LHFPL3: variants seen among roughly 807,000 people sequenced by gnomAD.
LHFPL3 encodes LHFPL tetraspan subfamily member 3, also known as LHFPL tetraspan subfamily member 3 protein.
LHFPL3 carries 5 observed loss-of-function variants against 19.3 expected under a neutral mutation model. The ratio of observed to expected loss-of-function variants is 0.26; its 90% CI spans 0.14 to 0.54. The LOEUF is 0.54. Ranked by LOEUF, LHFPL3 falls within the 20% of genes least tolerant of loss-of-function variation. LHFPL3 has a pLI of 0.94. For missense variants in LHFPL3, 249 were observed against 307.4 expected (o/e 0.81, Z 1.42); for synonymous variants, 133 against 126.2 (o/e 1.05, Z -0.36).
At chr7:104,586,391 T>C (rs922130010) in intron 1 of LHFPL3, among the ~76,000 whole-genome samples, 1 of 152,238 alleles carries the variant, frequency 6.6e-6, no homozygotes, top group East Asian at 1.9e-4. Context: ...CTCCCTGATA[T>C]CATCTGTGTG....
chr7:104,798,326 A>G (rs1211197804), intron 2 of LHFPL3: 2 of 152,248 alleles, frequency 1.3e-5, no homozygotes, highest in Non-Finnish European at 2.9e-5. Flanking sequence ...AAATGTGGAG[A>G]AAAAAGTTAC....
In LHFPL3 at chr7:104,906,151, C is replaced by A. The variant is rs371765698; in HGVS notation, c.683-36C>A. On this transcript the variant is annotated intron_variant, in intron 2 of 2. Coordinates refer to ENST00000424859, the MANE Select transcript of LHFPL3 (RefSeq NM_199000.3). ...AAATGATGTATTTTTTCTCTCCCCC[C>A]ACCCTTTTTCTCTCTCTTCCCTCCA... 8.4e-5 allele frequency: 134 copies of A among 1,600,856 alleles called. No individual in the cohort carries two copies. In the South Asian group the frequency reaches 1.4e-3, roughly 16 times the overall value.
intron 2 of LHFPL3, among the ~76,000 whole-genome samples, chr7:104,791,563 A>C (rs1221026962): frequency 3.3e-5 from 5 of 152,212 alleles, no homozygotes; most frequent in African/African-American, 1.2e-4. Flanking sequence ...GGATCTAGAA[A>C]AATAGTGCTT....
chr7:104,701,240 G>T (rs1488725295), intron 1 of LHFPL3, among the ~76,000 whole-genome samples: 1 of 152,014 alleles, frequency 6.6e-6, no homozygotes, highest in Non-Finnish European at 1.5e-5. Context: ...TCTTTTGTGG[G>T]TGAATTTTTT....
At chr7:104,891,598 T>C (rs80267406) in intron 2 of LHFPL3, among the ~76,000 whole-genome samples, 7,458 of 152,300 alleles carry the variant, frequency 0.049, 590 homozygotes, top group African/African-American at 0.17. Flanking sequence ...AGTCCCTGAA[T>C]TGGCATTCTC....
intron 2 of LHFPL3, among the ~76,000 whole-genome samples, chr7:104,854,364 T>C (rs143859891): frequency 1.5e-3 from 228 of 152,338 alleles, no homozygotes; most frequent in African/African-American, 5.1e-3. Flanking sequence ...CCCTCATGAA[T>C]GGAGATTTCC....
chr7:104,557,586 C>A (rs576128547), intron 1 of LHFPL3, among the ~76,000 whole-genome samples: 2 of 152,154 alleles, frequency 1.3e-5, no homozygotes, highest in East Asian at 1.9e-4. Flanking sequence ...GGGAATACAG[C>A]CAAACCATAT....
rs71155514 is a variant in LHFPL3 at position 104,666,512 on chromosome 7, C to CTTTTTTTTTTTTTTTTTTTTTTT, written c.446-70158_446-70136dup. Reference sequence around the variant, plus strand: ...TTGCTGAAAATGACAGGATTTCATTCTTTTTTTTTTTTTTTTTTTTTTTTT... The same window carrying CTTTTTTTTTTTTTTTTTTTTTTT: ...TTGCTGAAAATGACAGGATTTCATTCTTTTTTTTTTTTTTTTTTTTTTTTTTTTTTTTTTTTTTTTTTTTTTTT... On this transcript the variant is annotated intron_variant, in intron 1 of 2. Transcript: ENST00000424859. 1.9e-3 allele frequency among the ~76,000 whole-genome samples: 81 copies of CTTTTTTTTTTTTTTTTTTTTTTT among 42,236 alleles called. 28 individuals are homozygous for CTTTTTTTTTTTTTTTTTTTTTTT. Among genetic ancestry groups the CTTTTTTTTTTTTTTTTTTTTTTT allele is most frequent in the South Asian group, 2.7e-3 (2 of 730 alleles). The allele number at this position is 42,236 out of a possible 152,430, so 27.7% of individuals were successfully genotyped here.
At chr7:104,729,931 T>G (rs1277904577) in intron 1 of LHFPL3, among the ~76,000 whole-genome samples, 1 of 151,638 alleles carries the variant, frequency 6.6e-6, no homozygotes, top group Non-Finnish European at 1.5e-5. Flanking sequence ...GTGTGTGATG[T>G]TCCCCTTCCT....
chr7:104,563,363 G>T (rs1440572274), intron 1 of LHFPL3, among the ~76,000 whole-genome samples: 18 of 152,018 alleles, frequency 1.2e-4, no homozygotes, highest in African/African-American at 4.4e-4. Flanking sequence ...CTCCGAGCCA[G>T]GTGCGGGATA....
chr7:104,403,110 G>A (rs1791347434), intron 1 of LHFPL3, among the ~76,000 whole-genome samples: 4 of 151,998 alleles, frequency 2.6e-5, no homozygotes, highest in Admixed American at 2.6e-4. Flanking sequence ...CAGGTTGATG[G>A]GTGCAGCAAA....
intron 2 of LHFPL3, among the ~76,000 whole-genome samples, chr7:104,852,145 A>ACTG (rs1234513961): frequency 6.6e-6 from 1 of 152,076 alleles, no homozygotes; most frequent in East Asian, 1.9e-4. Flanking sequence ...ACCAGCATTA[A>ACTG]CTGCTGAAGC....
At chr7:104,849,826 G>A (rs1791383031) in intron 2 of LHFPL3, among the ~76,000 whole-genome samples, 1 of 152,204 alleles carries the variant, frequency 6.6e-6, no homozygotes, top group Non-Finnish European at 1.5e-5. Flanking sequence ...GGGGCCTTAT[G>A]GCCCATAGTC....
intron 2 of LHFPL3, among the ~76,000 whole-genome samples, chr7:104,761,863 G>A (rs1794376829): frequency 1.3e-5 from 2 of 152,170 alleles, no homozygotes; most frequent in African/African-American, 4.8e-5. Context: ...GTGCCAGCAA[G>A]CCATATTGGG....
intron 1 of LHFPL3, among the ~76,000 whole-genome samples, chr7:104,610,176 A>G (rs892227406): frequency 6.6e-6 from 1 of 152,176 alleles, no homozygotes; most frequent in Non-Finnish European, 1.5e-5. Flanking sequence ...TTGAATTCTG[A>G]ATTGTAATTA....
intron 1 of LHFPL3, among the ~76,000 whole-genome samples, chr7:104,594,867 T>C (rs1790808228): frequency 6.6e-6 from 1 of 152,182 alleles, no homozygotes. Flanking sequence ...GAAGTTCTCA[T>C]GCCATGGTTT....
chr7:104,771,460 A>G (rs914391661), intron 2 of LHFPL3, among the ~76,000 whole-genome samples: 29 of 152,100 alleles, frequency 1.9e-4, no homozygotes, highest in African/African-American at 7.0e-4. Flanking sequence ...TTACTGGAAA[A>G]TGCTGCCATT....
At chr7:104,472,023 C>A (rs954029234) in intron 1 of LHFPL3, among the ~76,000 whole-genome samples, 1 of 151,794 alleles carries the variant, frequency 6.6e-6, no homozygotes, top group Non-Finnish European at 1.5e-5. Context: ...AGAAAAAGTT[C>A]AAAAATTAGC....
rs539641629 is a variant in LHFPL3 at position 104,767,983 on chromosome 7, A to G, written c.682+31072A>G. ...GACTGTTTTCTATCCTCTCATCCTC[A>G]TCACATGGTATCCCATTTGCTAATC... is the stretch of plus-strand genomic sequence containing the variant. On this transcript the variant is annotated intron_variant, in intron 2 of 2. Transcript: ENST00000424859. 2.0e-5 allele frequency among the ~76,000 whole-genome samples: 3 copies of G among 152,270 alleles called. No homozygotes were observed. In the East Asian group the frequency reaches 5.8e-4, roughly 29 times the overall value.
Sources: allele counts gnomAD v4.1 joint callset (sites outside exome capture counted in the v4.1 genomes callset), GRCh38; gene constraint gnomAD v4.1.1; transcripts MANE v1.5; gene names NCBI Gene and HGNC (gene_info 2026-07-23, HGNC 2026-07-21).